TENM1: variants seen among roughly 807,000 people sequenced by gnomAD.
The protein encoded by TENM1 is teneurin-1.
TENM1 carries 35 observed loss-of-function variants against 174.8 expected under a neutral mutation model. The ratio of observed to expected loss-of-function variants is 0.20; its 90% CI spans 0.15 to 0.27. The LOEUF (loss-of-function observed/expected upper bound fraction) is 0.27, where lower values mean the gene tolerates loss of function less well. Ranked by LOEUF, TENM1 falls within the 10% of genes least tolerant of loss-of-function variation. TENM1 has a pLI of 1.00. For synonymous variants in TENM1, 781 were observed against 798.7 expected (o/e 0.98, Z 0.37); for missense variants, 1,633 against 2,130.1 (o/e 0.77, Z 4.59).
At chrX:124,657,686 C>T (rs1479840114) in intron 6 of TENM1, among the ~76,000 whole-genome samples, 1 of 111,371 alleles carries the variant, frequency 9.0e-6, no homozygotes, top group Non-Finnish European at 1.9e-5. Context: ...ATGCAAAACT[C>T]GGTTGAATAT....
intron 22 of TENM1, among the ~76,000 whole-genome samples, chrX:124,467,047 T>A (rs1290569026): frequency 9.0e-6 from 1 of 111,361 alleles, no homozygotes; most frequent in East Asian, 2.8e-4. Context: ...CAGCTTCCTT[T>A]CCTGAGTAAA....
At chrX:124,951,662 ATATATATATAT>A (rs1569487477) in intron 1 of TENM1, among the ~76,000 whole-genome samples, 20 of 62,140 alleles carry the variant, frequency 3.2e-4, no homozygotes, top group African/African-American at 5.3e-4. Context: ...ATATATATAT[ATATATATATAT>A]AACAATCAAT....
intron 3 of TENM1, among the ~76,000 whole-genome samples, chrX:124,858,369 A>G (rs990912525): frequency 3.6e-5 from 4 of 111,634 alleles, no homozygotes; most frequent in Non-Finnish European, 1.9e-5. Context: ...GAACTCTTCC[A>G]CCACTTGGCA....
At chrX:124,441,834 T>C (rs777648000) in intron 23 of TENM1, among the ~76,000 whole-genome samples, 22 of 112,203 alleles carry the variant, frequency 2.0e-4, no homozygotes, top group Non-Finnish European at 3.6e-4. Context: ...GTTAATTCAA[T>C]TGGTTAAACT....
intron 1 of TENM1, among the ~76,000 whole-genome samples, chrX:124,921,047 C>T (rs2058013269): frequency 9.4e-6 from 1 of 106,299 alleles, no homozygotes; most frequent in African/African-American, 3.4e-5. Flanking sequence ...AATCTCACGC[C>T]CCTCTTTTAA....
chrX:124,903,794 T>G (rs1177773062), intron 1 of TENM1, among the ~76,000 whole-genome samples: 1 of 111,906 alleles, frequency 8.9e-6, no homozygotes, highest in Non-Finnish European at 1.9e-5. Flanking sequence ...TGAGAACCTG[T>G]GCATGTTCCC....
intron 5 of TENM1, among the ~76,000 whole-genome samples, chrX:124,704,727 A>G (rs954799465): frequency 1.8e-5 from 2 of 111,382 alleles, no homozygotes; most frequent in African/African-American, 3.3e-5. Flanking sequence ...TGGGAAAACC[A>G]TAACAACCTT....
At chrX:124,914,955 C>T (rs1485484417) in intron 1 of TENM1, among the ~76,000 whole-genome samples, 1 of 112,046 alleles carries the variant, frequency 8.9e-6, no homozygotes, top group Non-Finnish European at 1.9e-5. Flanking sequence ...TGGCCACTCA[C>T]TCTCTTGCTT....
At chrX:124,949,296 A>G (rs12007615) in intron 1 of TENM1, among the ~76,000 whole-genome samples, 1 of 112,041 alleles carries the variant, frequency 8.9e-6, no homozygotes, top group African/African-American at 3.2e-5. Context: ...CACCACAGCG[A>G]GGAAACATCC....
At chrX:124,860,449 A>T (rs754151941) in intron 3 of TENM1, among the ~76,000 whole-genome samples, 8 of 112,185 alleles carry the variant, frequency 7.1e-5, no homozygotes, top group African/African-American at 2.3e-4. Context: ...AACATGCAGC[A>T]GTCTTTTCTC....
intron 23 of TENM1, among the ~76,000 whole-genome samples, chrX:124,443,283 ACAAC>A (rs1380921438): frequency 9.0e-6 from 1 of 111,536 alleles, no homozygotes; most frequent in African/African-American, 3.3e-5. Context: ...AGAGCAGAAG[ACAAC>A]CAAGGAAGGC....
At chrX:124,919,830 C>A (rs781508394) in intron 1 of TENM1, among the ~76,000 whole-genome samples, 1 of 111,013 alleles carries the variant, frequency 9.0e-6, no homozygotes, top group Non-Finnish European at 1.9e-5. Flanking sequence ...GGGTAGCTAC[C>A]AGGGGCTTTT....
chrX:124,977,959 TGTG>T, the TENM1 span, among the ~76,000 whole-genome samples: 1 of 55,794 alleles, frequency 1.8e-5, no homozygotes, highest in Non-Finnish European at 3.2e-5. Flanking sequence ...TGTGTGTGTG[TGTG>T]TGTGTGAGAG....
chrX:125,156,378 C>T, the TENM1 span, among the ~76,000 whole-genome samples: 1 of 111,705 alleles, frequency 9.0e-6, no homozygotes, highest in African/African-American at 3.3e-5. Context: ...GCATAGTACC[C>T]AATAGGTAGT....
At chrX:125,084,157 C>T in the TENM1 span, among the ~76,000 whole-genome samples, 3 of 110,375 alleles carry the variant, frequency 2.7e-5, no homozygotes, top group African/African-American at 9.9e-5. Context: ...ATACTTATAT[C>T]CTCTCTTCTC....
At chrX:124,444,651 T>C (rs1233511877) in intron 23 of TENM1, among the ~76,000 whole-genome samples, 2 of 111,120 alleles carry the variant, frequency 1.8e-5, no homozygotes, top group Admixed American at 9.6e-5. Flanking sequence ...GTTTTTTTTT[T>C]TTAAACAATC....
the TENM1 span, among the ~76,000 whole-genome samples, chrX:125,108,930 T>A: frequency 9.0e-6 from 1 of 110,533 alleles, no homozygotes; most frequent in Non-Finnish European, 1.9e-5. Context: ...TCCCTTCTTA[T>A]CCCAAGACTG....
At chrX:125,162,691 C>G in the TENM1 span, among the ~76,000 whole-genome samples, 2 of 111,780 alleles carry the variant, frequency 1.8e-5, no homozygotes, top group Non-Finnish European at 1.9e-5. Context: ...TTTGCTGGCT[C>G]TCTATATTCC....
At chrX:124,623,156 A>C (rs1178119083) in intron 11 of TENM1, among the ~76,000 whole-genome samples, 1 of 112,175 alleles carries the variant, frequency 8.9e-6, no homozygotes, top group Non-Finnish European at 1.9e-5. Context: ...TTAGTGTGTC[A>C]ATTTATGTGT....
Sources: gnomAD v4.1 joint callset for allele counts (sites outside exome capture counted in the v4.1 genomes callset) on GRCh38, gnomAD v4.1.1 for gene constraint, MANE v1.5 for transcripts, NCBI Gene and HGNC (gene_info 2026-07-23, HGNC 2026-07-21) for gene names.